EIF2S2: variants seen among roughly 807,000 people sequenced by gnomAD.
EIF2S2 encodes eukaryotic translation initiation factor 2 subunit beta.
Under a neutral mutation model 44.0 loss-of-function variants are expected in EIF2S2, and 4 were observed. The ratio of observed to expected loss-of-function variants is 0.09; its 90% CI spans 0.04 to 0.21. The LOEUF (loss-of-function observed/expected upper bound fraction) is 0.21. EIF2S2 is among the 10% of genes least tolerant of loss of function. The pLI is 1.00. For missense variants in EIF2S2, 154 were observed against 392.0 expected (o/e 0.39, Z 5.13); for synonymous variants, 108 against 128.3 (o/e 0.84, Z 1.07).
chr20:34,104,855 C>G (rs564942211), intron 2 of EIF2S2, among the ~76,000 whole-genome samples: 1 of 152,244 alleles, frequency 6.6e-6, no homozygotes, highest in Non-Finnish European at 1.5e-5. Flanking sequence ...TCAGTTGTCT[C>G]TATCCTGGCA....
intron 7 of EIF2S2, among the ~76,000 whole-genome samples, chr20:34,091,143 T>A (rs2034157588): frequency 6.6e-6 from 1 of 152,182 alleles, no homozygotes; most frequent in Non-Finnish European, 1.5e-5. Flanking sequence ...ACAATCAGAT[T>A]TATAATTGAT....
chr20:34,089,934 C>G lies in EIF2S2; in HGVS notation c.827-29G>C, dbSNP rs753053826. 10 of 1,612,086 alleles carry G rather than the reference C, an allele frequency of 6.2e-6. No individual in the cohort carries two copies. In the East Asian group the frequency reaches 2.2e-4, roughly 36 times the overall value. ...CAAATAAAGCAACACACAGAATTAC[C>G]TGGTGGCTGCAGTGAGGTAGAGAAG... On this transcript the variant is annotated intron_variant, in intron 8 of 8. Coordinates refer to ENST00000374980, the MANE Select transcript of EIF2S2 (RefSeq NM_003908.5).
chr20:34,103,708 T>TTA, intron 2 of EIF2S2, 143 bp from the exon 3 acceptor site: 1 of 1,264,790 alleles, frequency 7.9e-7, no homozygotes, highest in South Asian at 1.7e-5. Context: ...AAACTTATGG[T>TTA]TCTTTTTTTT....
chr20:34,100,771 G>T (rs1358507346), intron 3 of EIF2S2, among the ~76,000 whole-genome samples: 6 of 152,198 alleles, frequency 3.9e-5, no homozygotes, highest in Admixed American at 1.3e-4. Context: ...AGGATCAAGT[G>T]ATGGAATGGA....
At chr20:34,106,924 G>A (rs2034356307) in intron 1 of EIF2S2, among the ~76,000 whole-genome samples, 1 of 152,214 alleles carries the variant, frequency 6.6e-6, no homozygotes, top group Non-Finnish European at 1.5e-5. Flanking sequence ...GCTCACGCCT[G>A]TAATCCCAGT....
At chr20:34,101,907 T>A (rs1424041857) in intron 3 of EIF2S2, among the ~76,000 whole-genome samples, 1 of 152,116 alleles carries the variant, frequency 6.6e-6, no homozygotes, top group African/African-American at 2.4e-5. Flanking sequence ...ACTCCTGACC[T>A]CAGGTGATCT....
chr20:34,103,596 C>G, intron 2 of EIF2S2, 31 bp from the exon 3 acceptor site: 1 of 1,511,664 alleles, frequency 6.6e-7, no homozygotes. Context: ...TTATTAACAA[C>G]TAAAAGGCAA....
intron 4 of EIF2S2, 55 bp from the exon 5 acceptor site, chr20:34,097,571 G>A (rs2034245013): frequency 2.1e-6 from 3 of 1,429,514 alleles, no homozygotes; most frequent in African/African-American, 2.8e-5. Flanking sequence ...CAATACAAAA[G>A]TGGGGTGGGT....
intron 1 of EIF2S2, among the ~76,000 whole-genome samples, chr20:34,108,479 T>A (rs948332364): frequency 2.0e-5 from 3 of 152,216 alleles, no homozygotes; most frequent in Non-Finnish European, 4.4e-5. Context: ...TAGTCTTGAC[T>A]AAAATGGCTT....
intron 3 of EIF2S2, among the ~76,000 whole-genome samples, chr20:34,101,531 T>A (rs2034295230): frequency 6.6e-6 from 1 of 152,118 alleles, no homozygotes; most frequent in Non-Finnish European, 1.5e-5. Flanking sequence ...AGTCAATAAA[T>A]AAGAACTTAG....
At chr20:34,106,021 AAGTG>A in intron 1 of EIF2S2, among the ~76,000 whole-genome samples, 1 of 152,102 alleles carries the variant, frequency 6.6e-6, no homozygotes, top group Non-Finnish European at 1.5e-5. Flanking sequence ...TCCTGGACTC[AAGTG>A]ATCCTACCAT....
chr20:34,106,457 G>C (rs2034351355), intron 1 of EIF2S2, among the ~76,000 whole-genome samples: 1 of 144,514 alleles, frequency 6.9e-6, no homozygotes, highest in African/African-American at 2.6e-5. Flanking sequence ...AATGAAACAG[G>C]GTCTGGCTCT....
At chr20:34,090,682 G>T (rs2034152390) in intron 7 of EIF2S2, 80 bp from the exon 8 acceptor site, 2 of 795,560 alleles carry the variant, frequency 2.5e-6, no homozygotes, top group African/African-American at 3.5e-5. Context: ...TAAACTTAAT[G>T]AACTTAAAAT....
chr20:34,107,958 C>T (rs2034368207), intron 1 of EIF2S2, among the ~76,000 whole-genome samples: 1 of 152,124 alleles, frequency 6.6e-6, no homozygotes, highest in Non-Finnish European at 1.5e-5. Context: ...AGGAAAGAGT[C>T]CCCCACTGCA....
chr20:34,106,516 T>G (rs1229268216), intron 1 of EIF2S2, among the ~76,000 whole-genome samples: 1 of 151,280 alleles, frequency 6.6e-6, no homozygotes, highest in Admixed American at 6.6e-5. Flanking sequence ...AATCCAACCT[T>G]GACCTCCCAG....
At chr20:34,095,821 A>G (rs2034221843) in intron 6 of EIF2S2, among the ~76,000 whole-genome samples, 1 of 152,210 alleles carries the variant, frequency 6.6e-6, no homozygotes, top group Non-Finnish European at 1.5e-5. Flanking sequence ...TGTGTTTACC[A>G]TATTTTCTAC....
At position 34,105,289 on chromosome 20, in the gene EIF2S2, G is replaced by A. The variant is rs549250148; in HGVS notation, c.193+79C>T. On this transcript the variant is annotated intron_variant, in intron 2 of 8. Coordinates refer to ENST00000374980, the MANE Select transcript of EIF2S2 (RefSeq NM_003908.5). ...AACAGCCTTGTCAGGCTGAGAGGTC[G>A]CTGCATATCCAAAAGCCAAAACGCT... 142 of 1,480,406 alleles carry A rather than the reference G, an allele frequency of 9.6e-5. 1 individual carries two copies. The Middle Eastern group carries it at 2.2e-3, about 22-fold the overall frequency. The allele number at this position is 1,480,406 out of a possible 1,614,324, so 91.7% of individuals were successfully genotyped here.
chr20:34,099,968 T>G (rs1270341777), intron 3 of EIF2S2, among the ~76,000 whole-genome samples: 1 of 152,190 alleles, frequency 6.6e-6, no homozygotes, highest in African/African-American at 2.4e-5. Flanking sequence ...AACCCATGTC[T>G]AGGGGTTTCA....
At chr20:34,105,629 G>C in intron 1 of EIF2S2, 84 bp from the exon 2 acceptor site, 1 of 1,285,650 alleles carries the variant, frequency 7.8e-7, no homozygotes, top group East Asian at 2.5e-5. Context: ...ATCCTCAAAA[G>C]GCATACTCTT....
Sources: allele counts gnomAD v4.1 joint callset (sites outside exome capture counted in the v4.1 genomes callset), GRCh38; gene constraint gnomAD v4.1.1; transcripts MANE v1.5; gene names NCBI Gene and HGNC (gene_info 2026-07-23, HGNC 2026-07-21).